ADAMTSL1: variants seen among roughly 807,000 people sequenced by gnomAD.
ADAMTSL1 encodes the protein ADAMTS like 1.
In ADAMTSL1, 126 loss-of-function variants were observed where a neutral mutation model predicts 201.8. The ratio of observed to expected loss-of-function variants is 0.62; its 90% confidence interval spans 0.54 to 0.72. ADAMTSL1 has a LOEUF of 0.72. ADAMTSL1 is among the 30% of genes least tolerant of loss of function. ADAMTSL1 has a pLI of 0.00. For missense variants in ADAMTSL1, 2,679 were observed against 2,277.8 expected (o/e 1.18, Z -3.59); for synonymous variants, 1,121 against 903.4 (o/e 1.24, Z -4.32).
At position 18,310,399 on chromosome 9, in the gene ADAMTSL1, A is replaced by AAAAAAAAAAAAAAAAAAAAAAAC. The variant is rs1440483712; in HGVS notation, c.207+146418_207+146419insAAAAAAAAAAAAAAAAAAAAAAC. ...AAAAAAAAAAAAAAAAAAAAAAAAAACTATCTTCAGAGTGAACAGGCAACC... is the reference window on the plus strand; with the variant it reads ...AAAAAAAAAAAAAAAAAAAAAAAAAAAAAAAAAAAAAAAAAAAAAAAACCTATCTTCAGAGTGAACAGGCAACC... On this transcript the variant is annotated intron_variant, in intron 2 of 29. Coordinates refer to the ADAMTSL1 transcript ENST00000680146. Among the ~76,000 whole-genome samples, 17 of 127,322 alleles carry AAAAAAAAAAAAAAAAAAAAAAAC rather than the reference A, an allele frequency of 1.3e-4. 2 individuals carry two copies. The highest frequency in any genetic ancestry group is 2.6e-4 in the Non-Finnish European group (15 of 58,288). 83.5% of individuals were successfully genotyped at this position (127,322 alleles called of 152,430 possible).
intron 2 of ADAMTSL1, among the ~76,000 whole-genome samples, chr9:18,430,094 G>A (rs1327229672): frequency 6.6e-6 from 1 of 151,992 alleles, no homozygotes; most frequent in African/African-American, 2.4e-5. Context: ...CTGGCCAATA[G>A]TAGTAAGATT....
intron 15 of ADAMTSL1, among the ~76,000 whole-genome samples, chr9:18,750,520 G>T (rs1819412984): frequency 6.6e-6 from 1 of 152,132 alleles, no homozygotes; most frequent in Non-Finnish European, 1.5e-5. Context: ...TCATTCATGT[G>T]CTGATGAACA....
intron 2 of ADAMTSL1, among the ~76,000 whole-genome samples, chr9:18,338,081 T>C (rs1835315948): frequency 6.6e-6 from 1 of 152,152 alleles, no homozygotes; most frequent in Non-Finnish European, 1.5e-5. Flanking sequence ...ACTTTCACTG[T>C]GAATACATGG....
At chr9:18,636,881 C>A (rs1334598213) in intron 6 of ADAMTSL1, among the ~76,000 whole-genome samples, 1 of 152,132 alleles carries the variant, frequency 6.6e-6, no homozygotes, top group African/African-American at 2.4e-5. Context: ...TGGGTTTCCA[C>A]AAAGCCATCT....
At chr9:18,217,997 A>G (rs1479798169) in intron 2 of ADAMTSL1, among the ~76,000 whole-genome samples, 1 of 152,216 alleles carries the variant, frequency 6.6e-6, no homozygotes, top group African/African-American at 2.4e-5. Context: ...AATCAAAACC[A>G]GCTATTAATC....
chr9:18,806,609 A>G (rs1013934420), intron 20 of ADAMTSL1, among the ~76,000 whole-genome samples: 5 of 152,188 alleles, frequency 3.3e-5, no homozygotes, highest in Admixed American at 6.5e-5. Context: ...TCACCTTTAT[A>G]TTAGGCCAAA....
chr9:18,762,815 T>C (rs1390233991), intron 16 of ADAMTSL1, among the ~76,000 whole-genome samples: 1 of 152,240 alleles, frequency 6.6e-6, no homozygotes, highest in Non-Finnish European at 1.5e-5. Flanking sequence ...ATCCATGTTG[T>C]TGCACATGAC....
At chr9:18,617,422 C>T (rs17229415) in intron 4 of ADAMTSL1, among the ~76,000 whole-genome samples, 15,353 of 147,646 alleles carry the variant, frequency 0.1, 948 homozygotes, top group Non-Finnish European at 0.14. Context: ...GGCCTGATGC[C>T]TAAAATCTGC....
At chr9:18,646,110 T>C (rs1298886135) in intron 7 of ADAMTSL1, among the ~76,000 whole-genome samples, 1 of 151,900 alleles carries the variant, frequency 6.6e-6, no homozygotes, top group Non-Finnish European at 1.5e-5. Flanking sequence ...TTCACATCCC[T>C]TGTAAGTTGG....
At chr9:18,658,978 C>G (rs1828889020) in intron 8 of ADAMTSL1, among the ~76,000 whole-genome samples, 1 of 152,180 alleles carries the variant, frequency 6.6e-6, no homozygotes, top group Admixed American at 6.5e-5. Flanking sequence ...GGATAACAAT[C>G]AGTGTGTGAA....
chr9:18,783,097 G>A (rs1004582736), intron 19 of ADAMTSL1, among the ~76,000 whole-genome samples: 1 of 152,178 alleles, frequency 6.6e-6, no homozygotes. Context: ...ATTGGAAGTC[G>A]GGGGCTAGTA....
intron 23 of ADAMTSL1, among the ~76,000 whole-genome samples, chr9:18,886,006 G>C (rs12236684): frequency 0.035 from 5,285 of 151,492 alleles, 144 homozygotes; most frequent in East Asian, 0.15. Context: ...GAAATGCTAG[G>C]CCAGGTGTGG....
chr9:18,692,842 C>T (rs938135242), intron 13 of ADAMTSL1, among the ~76,000 whole-genome samples: 8 of 152,120 alleles, frequency 5.3e-5, no homozygotes, highest in African/African-American at 1.9e-4. Flanking sequence ...GCATCTGAGT[C>T]CCTGGGATGT....
At chr9:18,185,689 C>G (rs1828701241) in intron 2 of ADAMTSL1, among the ~76,000 whole-genome samples, 1 of 152,058 alleles carries the variant, frequency 6.6e-6, no homozygotes, top group Non-Finnish European at 1.5e-5. Context: ...CACTAGCTGT[C>G]TAAATCAATT....
chr9:18,621,686 G>A (rs961588957), intron 4 of ADAMTSL1, among the ~76,000 whole-genome samples: 1 of 151,860 alleles, frequency 6.6e-6, no homozygotes, highest in African/African-American at 2.4e-5. Flanking sequence ...TTATTACTCA[G>A]CAAATATTTT....
At chr9:18,636,607 A>C (rs1204594337) in intron 6 of ADAMTSL1, among the ~76,000 whole-genome samples, 3 of 152,194 alleles carry the variant, frequency 2.0e-5, no homozygotes, top group African/African-American at 7.2e-5. Flanking sequence ...CCCAAAGATC[A>C]AATGGCAGCA....
intron 21 of ADAMTSL1, among the ~76,000 whole-genome samples, chr9:18,823,591 CCT>C (rs1416284777): frequency 6.6e-6 from 1 of 152,190 alleles, no homozygotes; most frequent in Non-Finnish European, 1.5e-5. Flanking sequence ...TTTCTCTCCC[CCT>C]GAGTCTTTGT....
intron 13 of ADAMTSL1, among the ~76,000 whole-genome samples, chr9:18,705,273 C>A (rs1357606781): frequency 6.6e-6 from 1 of 152,148 alleles, no homozygotes; most frequent in Non-Finnish European, 1.5e-5. Flanking sequence ...GCACGACTCC[C>A]TGTGAGAAAG....
intron 1 of ADAMTSL1, among the ~76,000 whole-genome samples, chr9:18,045,401 CAAAG>C (rs1821614782): frequency 6.6e-6 from 1 of 152,000 alleles, no homozygotes; most frequent in African/African-American, 2.4e-5. Flanking sequence ...AGTCTTAACA[CAAAG>C]AAAGTGATTT....
Sources: gnomAD v4.1 joint callset for allele counts (sites outside exome capture counted in the v4.1 genomes callset) on GRCh38, gnomAD v4.1.1 for gene constraint, MANE v1.5 for transcripts, NCBI Gene and HGNC (gene_info 2026-07-23, HGNC 2026-07-21) for gene names.